Variants in EMC1 observed in about 807,000 individuals in gnomAD.
EMC1 encodes ER membrane protein complex subunit 1.
In EMC1, 103 loss-of-function variants were observed where a neutral mutation model predicts 128.8. The observed-to-expected ratio is 0.80, with a 90% CI of 0.68 to 0.94. The LOEUF (loss-of-function observed/expected upper bound fraction) is 0.94, where lower values mean the gene tolerates loss of function less well. EMC1 is among the 40% of genes least tolerant of loss of function. EMC1 has a pLI of 0.00. For missense variants in EMC1, 1,083 were observed against 1,250.6 expected (o/e 0.87, Z 2.02); for synonymous variants, 442 against 490.4 (o/e 0.90, Z 1.30).
At chr1:19,237,967 A>T (rs765104967) in intron 11 of EMC1, 50 bp downstream of exon 11, 4 of 1,598,598 alleles carry the variant, frequency 2.5e-6, no homozygotes, top group Non-Finnish European at 3.4e-6. Flanking sequence ...AAAGGAAGCC[A>T]TGTGCTGAGA....
At position 19,243,971 on chromosome 1, in the gene EMC1, C is replaced by T; in HGVS notation, c.265G>A (p.Ala89Thr). The change falls in exon 3 of 23, where the codon GCC (alanine) becomes ACC (threonine). Residue 89 changes from alanine (A) to threonine (T), a missense_variant. Coordinates refer to ENST00000477853, the MANE Select transcript of EMC1 (RefSeq NM_015047.3). ...DKGTAEGAVD[A>T]MLLHGQDVIT... The stretch of plus-strand genomic sequence containing the variant: ...TTACCCTGTCCGTGCAGCAGCATGG[C>T]ATCCACAGCCCCTTCTGCCGTGCCC... 6.2e-7 allele frequency: 1 copy of T among 1,614,178 alleles called. No individual in the cohort carries two copies. The highest frequency in any genetic ancestry group is 8.5e-7 in the Non-Finnish European group (1 of 1,180,040).
chr1:19,237,207 T>C lies in EMC1; in HGVS notation c.1244A>G (p.Asp415Gly). Residue 415 changes from aspartate (D) to glycine (G), a missense_variant, in exon 12 of 23, where the codon GAC (aspartate) becomes GGC (glycine). By Grantham distance (94) the Asp-to-Gly change is moderately conservative (BLOSUM62 -1). Transcript: ENST00000477853. ...CACCAAAGCCCGGTAGCCCACTGAGTCATCCTTCTTCAAGAACACCTGGAT... is the reference window on the plus strand; with the variant it reads ...CACCAAAGCCCGGTAGCCCACTGAGCCATCCTTCTTCAAGAACACCTGGAT... ...LYIQVFLKKD[D>G]SVGYRALVQT... is the part of the protein sequence containing the mutation. The C allele has an allele frequency of 8.1e-6, 13 of 1,613,964 alleles. No homozygotes were observed. The highest frequency in any genetic ancestry group is 1.0e-5 in the Non-Finnish European group (12 of 1,179,956).
chr1:19,245,308 G>T (rs1356616764), intron 1 of EMC1, among the ~76,000 whole-genome samples: 1 of 152,104 alleles, frequency 6.6e-6, no homozygotes, highest in Admixed American at 6.6e-5. Flanking sequence ...GGGCATGGTG[G>T]CGCATGCCTG....
At position 19,223,449 on chromosome 1, in the gene EMC1, GCA is replaced by G; in HGVS notation, c.2321_2322del (p.Val774AlafsTer38). 6.2e-7 allele frequency: 1 copy of G among 1,614,178 alleles called. No individual in the cohort carries two copies. Among genetic ancestry groups the G allele is most frequent in the African/African-American group, 1.3e-5 (1 of 75,040 alleles). ...GVTGRIIHSS[V>X]QKKAKGPVHI... ...TGGACAGGGCCTTTGGCTTTCTTCT[GCA>G]CAGAGGAGTGAATGATACGCCCAGT... On this transcript the variant is annotated frameshift_variant, in exon 19 of 23. Coordinates refer to ENST00000477853, the MANE Select transcript of EMC1 (RefSeq NM_015047.3). LOFTEE classifies it high-confidence loss of function.
intron 11 of EMC1, 48 bp downstream of exon 11, chr1:19,237,969 G>A: frequency 1.9e-6 from 3 of 1,600,014 alleles, no homozygotes; most frequent in Non-Finnish European, 2.6e-6. Flanking sequence ...AGGAAGCCAT[G>A]TGCTGAGAAG....
intron 1 of EMC1, among the ~76,000 whole-genome samples, 165 bp from the exon 2 acceptor site, chr1:19,245,195 T>TG (rs2093626245): frequency 1.3e-5 from 2 of 152,240 alleles, no homozygotes; most frequent in South Asian, 4.2e-4. Context: ...CCCAACACTT[T>TG]GGGAGGCCGA....
Position 19,231,296 on chromosome 1 carries a change from C to A in EMC1, c.1909G>T (p.Ala637Ser). 1 of 1,608,572 alleles carries A rather than the reference C, an allele frequency of 6.2e-7. No homozygotes were observed. The highest frequency in any genetic ancestry group is 8.5e-7 in the Non-Finnish European group (1 of 1,178,790). The change falls in exon 16 of 23, where the codon GCC becomes TCC. Residue 637 changes from alanine (A) to serine (S), a missense_variant. Ala to Ser is a moderately conservative substitution (Grantham distance 99, BLOSUM62 1). This residue lies in a region of EMC1 where 527 missense variants were observed against 644.1 expected (regional missense o/e 0.82). Coordinates refer to ENST00000477853, the MANE Select transcript of EMC1 (RefSeq NM_015047.3). ...TCATCTATCAACAGCAACACCTTGG[C>A]GTAGTCTTGATCCATGACTGGGAGA... ...LLLPVMDQDY[A>S]KVLLLIDDEY... is the part of the protein sequence containing the mutation.
chr1:19,247,011 G>T (rs1488378331), intron 1 of EMC1, among the ~76,000 whole-genome samples: 1 of 152,162 alleles, frequency 6.6e-6, no homozygotes, highest in Non-Finnish European at 1.5e-5. Context: ...TAAAGGCCAT[G>T]TAAGGATACA....
chr1:19,226,909 T>C (rs373015281), intron 18 of EMC1, among the ~76,000 whole-genome samples: 28 of 152,076 alleles, frequency 1.8e-4, no homozygotes, highest in Middle Eastern at 3.4e-3. Context: ...TGCCTGTGGT[T>C]CCAATTACTT....
rs1009739358 is a variant in EMC1 at position 19,222,537 on chromosome 1, C to T, written c.2587+87G>A. ...TTCCCTTACAGGTGGTTCAACAAGG[C>T]TCTGCCAGCAATGTGTCCCTTGCTC... On this transcript the variant is annotated intron_variant, in intron 20 of 22. Coordinates refer to ENST00000477853, the MANE Select transcript of EMC1 (RefSeq NM_015047.3). The T allele has an allele frequency of 2.8e-5, 34 of 1,203,006 alleles. No homozygotes were observed. The African/African-American group carries it at 4.4e-4, about 15-fold the overall frequency. 74.5% of individuals were successfully genotyped at this position (1,203,006 alleles called of 1,614,324 possible). A position where few individuals can be genotyped will look rare whatever the true frequency, so the allele number is the denominator to read the frequency against.
chr1:19,223,001 G>A (rs905583687), intron 19 of EMC1, 167 bp from the exon 20 acceptor site: 5 of 600,744 alleles, frequency 8.3e-6, no homozygotes, highest in African/African-American at 7.5e-5. Context: ...TTTCAAAGTA[G>A]TTTTATCTAG....
chr1:19,250,448 A>C (rs1411807802), intron 1 of EMC1, among the ~76,000 whole-genome samples: 2 of 152,178 alleles, frequency 1.3e-5, no homozygotes, highest in African/African-American at 4.8e-5. Context: ...TGTAACATAC[A>C]CATATGACAT....
intron 18 of EMC1, among the ~76,000 whole-genome samples, chr1:19,226,083 C>G (rs1013163475): frequency 1.3e-5 from 2 of 152,174 alleles, no homozygotes; most frequent in Admixed American, 1.3e-4. Context: ...GCTTTACCGT[C>G]AAGTTCCGTG....
chr1:19,223,518 G>C lies in EMC1; in HGVS notation c.2254C>G (p.His752Asp). The stretch of plus-strand genomic sequence containing the variant: ...AAGATGCCAATAAAGGTGCGCTCAT[G>C]GTGCGCGTCTGTGCTCTCTGTCACC... ...AVVTESTDAH[H>D]ERTFIGIFLI... The change falls in exon 19 of 23, where the codon CAT becomes GAT. Residue 752 changes from histidine (H) to aspartate (D), a missense_variant. Transcript: ENST00000477853. The C allele has an allele frequency of 6.2e-7, 1 of 1,614,094 alleles. No homozygotes were observed. The highest frequency in any genetic ancestry group is 1.1e-5 in the South Asian group (1 of 91,070).
intron 1 of EMC1, among the ~76,000 whole-genome samples, chr1:19,247,751 G>A (rs551086258): frequency 5.9e-5 from 9 of 152,304 alleles, no homozygotes; most frequent in East Asian, 3.9e-4. Context: ...CAAGCTGGCC[G>A]CAGTGGCTCA....
In EMC1 at chr1:19,243,772, T is replaced by C. The variant is rs571199308; in HGVS notation, c.287-65A>G. The C allele has an allele frequency of 9.1e-6, 14 of 1,542,768 alleles. No individual in the cohort carries two copies. In the East Asian group the frequency reaches 2.9e-4, roughly 32 times the overall value. On this transcript the variant is annotated intron_variant, in intron 3 of 22. Coordinates refer to ENST00000477853, the MANE Select transcript of EMC1 (RefSeq NM_015047.3). ...GCTCTGTCGCTTCCTAGGGTCCCAC[T>C]GTGAGCAGTGGCCTCACCTCTGATT... is the stretch of plus-strand genomic sequence containing the variant.
chr1:19,243,412 T>C (rs1432783536), intron 4 of EMC1, among the ~76,000 whole-genome samples: 2 of 152,122 alleles, frequency 1.3e-5, no homozygotes, highest in Non-Finnish European at 2.9e-5. Flanking sequence ...AGCGCAAACA[T>C]TGCACCTAGA....
intron 18 of EMC1, among the ~76,000 whole-genome samples, chr1:19,224,688 G>A (rs1378129419): frequency 1.3e-5 from 2 of 152,136 alleles, no homozygotes; most frequent in Non-Finnish European, 2.9e-5. Flanking sequence ...GGTCAAATGA[G>A]CCTGTGGAAT....
rs1282150881 is a variant in EMC1 at position 19,232,682 on chromosome 1, T to C, written c.1724A>G (p.Gln575Arg). 6.2e-7 allele frequency: 1 copy of C among 1,614,126 alleles called. No homozygotes were observed. Among genetic ancestry groups the C allele is most frequent in the Non-Finnish European group, 8.5e-7 (1 of 1,180,054 alleles). The change falls in exon 15 of 23, where the codon CAG (glutamine) becomes CGG (arginine). Residue 575 changes from glutamine (Q) to arginine (R), a missense_variant. Around this residue, in one of 3 missense-constraint regions of EMC1, gnomAD observed 527 missense variants for 644.1 expected, o/e 0.82. Transcript: ENST00000477853. ...ATGGGGGAAATGAGCAGTAGTTCTC[T>C]GGACCATCAGTTTAAAGGAGGAGTC... ...KPDSSFKLMV[Q>R]RTTAHFPHPP...
Sources: allele counts gnomAD v4.1 joint callset (sites outside exome capture counted in the v4.1 genomes callset), GRCh38; gene constraint gnomAD v4.1.1; regional missense constraint gnomAD v4.1.1; transcripts MANE v1.5; gene names NCBI Gene and HGNC (gene_info 2026-07-23, HGNC 2026-07-21).